Variants in TBL1X observed in about 807,000 individuals in gnomAD.
TBL1X encodes the protein F-box-like/WD repeat-containing protein TBL1X.
Under a neutral mutation model 50.7 loss-of-function variants are expected in TBL1X, and 10 were observed. The observed-to-expected ratio is 0.20, with a 90% confidence interval of 0.12 to 0.33. TBL1X has a LOEUF of 0.33. Ranked by LOEUF, TBL1X falls within the 10% of genes least tolerant of loss-of-function variation. TBL1X has a pLI of 1.00. For missense variants in TBL1X, 340 were observed against 504.4 expected (o/e 0.67, Z 3.12); for synonymous variants, 190 against 214.7 (o/e 0.88, Z 1.01).
At chrX:9,543,954 G>A (rs1032627525) in intron 2 of TBL1X, among the ~76,000 whole-genome samples, 1 of 110,535 alleles carries the variant, frequency 9.0e-6, no homozygotes, top group African/African-American at 3.3e-5. Flanking sequence ...TGTTTTAAAG[G>A]GATAATCTGC....
chrX:9,717,257 AAAT>A lies in TBL1X; in HGVS notation c.*1016_*1018del, dbSNP rs2083284985. ...GAGCCTGGAGTATTTTTGGAAAAAA[AAAT>A]AATATTTTTATGTTAAAACAATTTT... is the stretch of plus-strand genomic sequence containing the variant. On this transcript the variant is annotated 3_prime_UTR_variant, in exon 18 of 18. Transcript: ENST00000645353. The A allele has an allele frequency of 1.8e-5, 2 of 112,079 alleles. No individual in the cohort carries two copies. The highest frequency in any genetic ancestry group is 2.8e-4 in the East Asian group (1 of 3,585). 9.2% of individuals were successfully genotyped at this position (112,079 alleles called of 1,213,427 possible). A position where few individuals can be genotyped will look rare whatever the true frequency, so the allele number is the denominator to read the frequency against.
At chrX:9,678,733 C>G (rs890545585) in intron 5 of TBL1X, among the ~76,000 whole-genome samples, 25 of 112,322 alleles carry the variant, frequency 2.2e-4, no homozygotes, top group Non-Finnish European at 4.5e-4. Context: ...ATGAATCAGG[C>G]CAACATTAGC....
In TBL1X at chrX:9,632,663, C is replaced by T. The variant is rs142701469; in HGVS notation, c.-130-7610C>T. Among the ~76,000 whole-genome samples the T allele has an allele frequency of 3.4e-3, 376 of 112,035 alleles. 2 individuals carry two copies. Among genetic ancestry groups the T allele is most frequent in the African/African-American group, 0.011 (348 of 30,851 alleles). ...AACACTAAAACCAGTTAGAGAAACA[C>T]TGATGAAAACCAGTGTTTATTATTT... On this transcript the variant is annotated intron_variant, in intron 2 of 17. Coordinates refer to ENST00000645353, the MANE Select transcript of TBL1X (RefSeq NM_005647.4).
chrX:9,620,644 G>A (rs2082661957), intron 2 of TBL1X, among the ~76,000 whole-genome samples: 2 of 111,986 alleles, frequency 1.8e-5, no homozygotes, highest in African/African-American at 6.5e-5. Context: ...CAGCACATGC[G>A]AAGGCCAGGC....
intron 16 of TBL1X, among the ~76,000 whole-genome samples, chrX:9,713,421 CTTTTCT>C (rs2083259904): frequency 2.3e-5 from 2 of 87,575 alleles, no homozygotes; most frequent in Non-Finnish European, 2.1e-5. Flanking sequence ...ATCCTTAGGA[CTTTTCT>C]TTTTTTTTTT....
intron 1 of TBL1X, among the ~76,000 whole-genome samples, chrX:9,474,421 T>C (rs1336111089): frequency 8.8e-6 from 1 of 113,468 alleles, no homozygotes; most frequent in Non-Finnish European, 1.9e-5. Flanking sequence ...TGCACGCACA[T>C]GTATGTGCGT....
At chrX:9,512,173 C>T (rs150491666) in intron 2 of TBL1X, among the ~76,000 whole-genome samples, 1,328 of 111,569 alleles carry the variant, frequency 0.012, 9 homozygotes, top group Non-Finnish European at 0.02. Flanking sequence ...TGAGTCACCA[C>T]GCCTGGCCTT....
At position 9,697,361 on chromosome X, in the gene TBL1X, G is replaced by T; in HGVS notation, c.1054-8G>T. The T allele has an allele frequency of 8.3e-7, 1 of 1,209,550 alleles. No homozygotes were observed. The highest frequency in any genetic ancestry group is 1.1e-6 in the Non-Finnish European group (1 of 895,031). On this transcript the variant is annotated splice_polypyrimidine_tract_variant and splice_region_variant and intron_variant, in intron 11 of 17. Coordinates refer to ENST00000645353, the MANE Select transcript of TBL1X (RefSeq NM_005647.4). ...TTACTAACTTTTTCCTTTGTTTGCGGAACACAGACAACAATAATTTGGGAT... is the reference window on the plus strand; with the variant it reads ...TTACTAACTTTTTCCTTTGTTTGCGTAACACAGACAACAATAATTTGGGAT...
In TBL1X at chrX:9,653,571, C is replaced by G; in HGVS notation, c.-16C>G. ...AGCCCTGGCCTCCTTGCAGAAACAT[C>G]GAGGTGACATGTAGCATGACCGAGC... On this transcript the variant is annotated 5_prime_UTR_variant, in exon 4 of 18. In the 5' UTR this introduces an upstream ATG that the reference lacks. Transcript: ENST00000645353. 8.6e-7 allele frequency: 1 copy of G among 1,159,742 alleles called. No homozygotes were observed. Among genetic ancestry groups the G allele is most frequent in the Non-Finnish European group, 1.2e-6 (1 of 867,495 alleles).
chrX:9,666,435 A>T (rs1415171053), intron 5 of TBL1X, among the ~76,000 whole-genome samples: 1 of 111,630 alleles, frequency 9.0e-6, no homozygotes. Flanking sequence ...AAAAGTGCTA[A>T]AAAAAAATTG....
chrX:9,520,241 T>C (rs1490491533), intron 2 of TBL1X, among the ~76,000 whole-genome samples: 2 of 112,292 alleles, frequency 1.8e-5, no homozygotes, highest in Admixed American at 1.9e-4. Flanking sequence ...TGCAGAACTT[T>C]GGTGCTGGAT....
At chrX:9,657,932 T>C (rs1043231841) in intron 5 of TBL1X, among the ~76,000 whole-genome samples, 2 of 112,188 alleles carry the variant, frequency 1.8e-5, no homozygotes, top group Non-Finnish European at 3.8e-5. Flanking sequence ...CATCTTGAAT[T>C]GTAGCTCCCG....
intron 2 of TBL1X, among the ~76,000 whole-genome samples, chrX:9,614,498 CT>C (rs1243783698): frequency 9.0e-6 from 1 of 111,075 alleles, no homozygotes; most frequent in Admixed American, 9.6e-5. Flanking sequence ...GAATTTGAGG[CT>C]GCAGCGAGCC....
chrX:9,559,878 G>A (rs2082316996), intron 2 of TBL1X, among the ~76,000 whole-genome samples: 1 of 112,020 alleles, frequency 8.9e-6, no homozygotes, highest in South Asian at 3.7e-4. Flanking sequence ...GTTATTTCTC[G>A]AATTATAAGA....
chrX:9,668,660 C>T (rs892289556), intron 5 of TBL1X, among the ~76,000 whole-genome samples: 3 of 112,077 alleles, frequency 2.7e-5, no homozygotes, highest in African/African-American at 9.7e-5. Context: ...TCTTTTGTAA[C>T]AGAACAGAAT....
At chrX:9,584,015 A>G (rs1292657747) in intron 2 of TBL1X, among the ~76,000 whole-genome samples, 1 of 112,486 alleles carries the variant, frequency 8.9e-6, no homozygotes, top group Non-Finnish European at 1.9e-5. Flanking sequence ...CCCTCATGAC[A>G]TGGGGAATGC....
At chrX:9,653,282 T>G (rs2082846581) in intron 3 of TBL1X, among the ~76,000 whole-genome samples, 1 of 113,187 alleles carries the variant, frequency 8.8e-6, no homozygotes, top group Non-Finnish European at 1.9e-5. Flanking sequence ...GGTTTGTTCA[T>G]GGACAACAGA....
intron 2 of TBL1X, among the ~76,000 whole-genome samples, chrX:9,600,236 G>A (rs748721324): frequency 2.7e-5 from 3 of 110,500 alleles, no homozygotes; most frequent in Non-Finnish European, 5.7e-5. Flanking sequence ...GGGAAGTCCA[G>A]GATCAAGGCA....
chrX:9,534,035 G>A (rs1190127846), intron 2 of TBL1X, among the ~76,000 whole-genome samples: 1 of 111,809 alleles, frequency 8.9e-6, no homozygotes, highest in African/African-American at 3.3e-5. Flanking sequence ...GAGCAAGGGA[G>A]GGAGGCAGGC....
Sources: gnomAD v4.1 joint callset for allele counts (sites outside exome capture counted in the v4.1 genomes callset) on GRCh38, gnomAD v4.1.1 for gene constraint, MANE v1.5 for transcripts, NCBI Gene and HGNC (gene_info 2026-07-23, HGNC 2026-07-21) for gene names.